Variants in STPG2 observed in about 807,000 individuals in gnomAD.
STPG2 encodes sperm-tail PG-rich repeat-containing protein 2.
A neutral mutation model predicts 54.2 loss-of-function variants in STPG2; 56 were observed. That is an observed-to-expected ratio of 1.03 (90% CI 0.83 to 1.29). The LOEUF is 1.29. STPG2 is among the 50% of genes most tolerant of loss of function. The pLI is 0.00. For synonymous variants in STPG2, 200 were observed against 181.8 expected (o/e 1.10, Z -0.81); for missense variants, 596 against 544.9 (o/e 1.09, Z -0.93).
intron 9 of STPG2, among the ~76,000 whole-genome samples, chr4:97,788,345 C>T (rs770252510): frequency 3.9e-5 from 6 of 152,052 alleles, no homozygotes; most frequent in East Asian, 1.9e-4. Flanking sequence ...CTTTGCCTGG[C>T]TTATTTCACT....
chr4:97,637,430 C>T (rs1295708855), intron 10 of STPG2, among the ~76,000 whole-genome samples: 1 of 152,092 alleles, frequency 6.6e-6, no homozygotes, highest in African/African-American at 2.4e-5. Context: ...TGAAAACTGG[C>T]ACAAGACAGG....
chr4:98,136,272 C>G (rs1425210577), intron 1 of STPG2, among the ~76,000 whole-genome samples: 3 of 151,446 alleles, frequency 2.0e-5, no homozygotes, highest in African/African-American at 7.3e-5. Context: ...ATAAGGTGCT[C>G]CTTGACCTGT....
rs536913226 is a variant in STPG2, at chr4:98,132,246, T to C, written c.222+2101A>G. On this transcript the variant is annotated intron_variant, in intron 2 of 10. Coordinates refer to ENST00000295268, the MANE Select transcript of STPG2 (RefSeq NM_174952.3). ...ATGTTGAAAGTGACTATAGATTTGCTAGGAGCAAAAAATGAAGTTAGATAT... is the reference window on the plus strand; with the variant it reads ...ATGTTGAAAGTGACTATAGATTTGCCAGGAGCAAAAAATGAAGTTAGATAT... 1.2e-4 allele frequency among the ~76,000 whole-genome samples: 19 copies of C among 152,146 alleles called. No homozygotes were observed. In the South Asian group the frequency reaches 3.9e-3, roughly 32 times the overall value.
intron 4 of STPG2, among the ~76,000 whole-genome samples, chr4:97,460,886 G>C (rs1729645441): frequency 6.6e-6 from 1 of 152,166 alleles, no homozygotes. Flanking sequence ...TTGCTCTTGA[G>C]TCTGGTTTCA....
chr4:97,560,364 T>C (rs749051259), intron 10 of STPG2, among the ~76,000 whole-genome samples: 4 of 152,162 alleles, frequency 2.6e-5, no homozygotes, highest in Non-Finnish European at 4.4e-5. Context: ...ACTCTCTCCT[T>C]TCCTTTTTGG....
intron 5 of STPG2, among the ~76,000 whole-genome samples, chr4:98,016,986 T>C (rs1735969456): frequency 1.3e-5 from 2 of 152,158 alleles, no homozygotes; most frequent in Admixed American, 1.3e-4. Flanking sequence ...CAGGTAGGCT[T>C]ACTGCTGAAT....
chr4:97,837,924 A>G (rs1728679092), intron 9 of STPG2, among the ~76,000 whole-genome samples: 1 of 151,574 alleles, frequency 6.6e-6, no homozygotes, highest in South Asian at 2.1e-4. Context: ...TAAGATATCC[A>G]GTAATCAATT....
chr4:97,451,164 G>A (rs1729355112), intron 4 of STPG2, among the ~76,000 whole-genome samples: 1 of 152,066 alleles, frequency 6.6e-6, no homozygotes, highest in African/African-American at 2.4e-5. Context: ...CCAGATATGG[G>A]GTAGAAGCCT....
intron 5 of STPG2, among the ~76,000 whole-genome samples, chr4:98,007,482 T>C (rs532301570): frequency 7.2e-5 from 11 of 152,230 alleles, no homozygotes; most frequent in African/African-American, 2.6e-4. Context: ...TGGAAGTGAA[T>C]TCAAAAATAA....
intron 9 of STPG2, among the ~76,000 whole-genome samples, chr4:97,836,002 C>G (rs751527912): frequency 6.6e-6 from 1 of 152,046 alleles, no homozygotes; most frequent in Non-Finnish European, 1.5e-5. Context: ...AAAGTGGTTT[C>G]TTGAAATGGG....
intron 7 of STPG2, among the ~76,000 whole-genome samples, chr4:97,968,136 G>A (rs1487641822): frequency 6.6e-6 from 1 of 152,088 alleles, no homozygotes; most frequent in Non-Finnish European, 1.5e-5. Context: ...GAAGAAAAGA[G>A]AGAAGACTCA....
At chr4:97,774,824 C>T (rs900745148) in intron 9 of STPG2, among the ~76,000 whole-genome samples, 3 of 152,168 alleles carry the variant, frequency 2.0e-5, no homozygotes, top group African/African-American at 7.2e-5. Flanking sequence ...CTTCTAACCT[C>T]AAAACCACAT....
At chr4:97,469,547 G>A (rs1729872698) in intron 4 of STPG2, among the ~76,000 whole-genome samples, 1 of 152,004 alleles carries the variant, frequency 6.6e-6, no homozygotes, top group Non-Finnish European at 1.5e-5. Context: ...AAGATACTAG[G>A]TTCAGTTCTG....
chr4:97,636,829 C>A (rs1721557051), intron 10 of STPG2, among the ~76,000 whole-genome samples: 1 of 151,524 alleles, frequency 6.6e-6, no homozygotes, highest in South Asian at 2.1e-4. Flanking sequence ...ATAACAGGAT[C>A]TGAAATTGTG....
At chr4:97,673,424 C>T (rs1722753436) in intron 10 of STPG2, among the ~76,000 whole-genome samples, 1 of 152,102 alleles carries the variant, frequency 6.6e-6, no homozygotes, top group South Asian at 2.1e-4. Context: ...AGGAAAAATT[C>T]AAATTCATCA....
At chr4:97,806,426 G>A (rs187331726) in intron 9 of STPG2, among the ~76,000 whole-genome samples, 33 of 152,138 alleles carry the variant, frequency 2.2e-4, no homozygotes, top group Admixed American at 2.2e-3. Flanking sequence ...CTCACTACCT[G>A]GGTGACAGGA....
intron 5 of STPG2, among the ~76,000 whole-genome samples, chr4:98,069,878 T>C (rs1269201417): frequency 6.6e-6 from 1 of 151,958 alleles, no homozygotes; most frequent in African/African-American, 2.4e-5. Context: ...TCCAGGTTAA[T>C]AAAGATAGTA....
rs193264804 is a variant in STPG2 at position 97,659,744 on chromosome 4, C to T, written c.1320+52955G>A. ...TTTGCCTGTGAGATTGGACATAACT[C>T]CCTTTTTGTTACATAATAAATAGTA... On this transcript the variant is annotated intron_variant, in intron 10 of 10. Coordinates refer to ENST00000295268, the MANE Select transcript of STPG2 (RefSeq NM_174952.3). Among the ~76,000 whole-genome samples, 447 of 152,262 alleles carry T rather than the reference C, an allele frequency of 2.9e-3. 1 individual carries two copies. The highest frequency in any genetic ancestry group is 5.1e-3 in the Non-Finnish European group (347 of 68,022).
intron 9 of STPG2, among the ~76,000 whole-genome samples, chr4:97,805,670 C>A (rs1368176511): frequency 6.6e-6 from 1 of 151,832 alleles, no homozygotes; most frequent in Non-Finnish European, 1.5e-5. Context: ...GATATTAGGT[C>A]TTTGTTGAAT....
Sources: gnomAD v4.1 joint callset for allele counts (sites outside exome capture counted in the v4.1 genomes callset) on GRCh38, gnomAD v4.1.1 for gene constraint, MANE v1.5 for transcripts, NCBI Gene and HGNC (gene_info 2026-07-23, HGNC 2026-07-21) for gene names.